Variants in RBFOX1 observed in about 807,000 individuals in gnomAD.
RBFOX1 encodes the protein RNA binding fox-1 homolog 1, also known as RNA binding protein fox-1 homolog 1.
Under a neutral mutation model 57.7 loss-of-function variants are expected in RBFOX1, and 8 were observed. The ratio of observed to expected loss-of-function variants is 0.14; its 90% CI spans 0.08 to 0.25. The LOEUF is 0.25. RBFOX1 is among the 10% of genes least tolerant of loss of function. RBFOX1 has a pLI of 1.00. For missense variants in RBFOX1, 611 were observed against 548.5 expected, an observed-to-expected ratio of 1.11 and a Z score of -1.14; for synonymous variants, 326 against 222.4, an observed-to-expected ratio of 1.47 and a Z score of -4.15.
rs115272202 is a variant in RBFOX1 at position 7,344,905 on chromosome 16, C to T, written c.28-173242C>T. Among the ~76,000 whole-genome samples, 767 of 152,302 alleles carry T rather than the reference C, an allele frequency of 5.0e-3. 8 individuals carry two copies. Among genetic ancestry groups the T allele is most frequent in the African/African-American group, 0.017 (717 of 41,588 alleles). On this transcript the variant is annotated intron_variant, in intron 4 of 15. Coordinates refer to ENST00000550418, the MANE Select transcript of RBFOX1 (RefSeq NM_018723.4). ...ACCGACTCTGAGCAGAAGGCTAATG[C>T]GATATTGTGCCGCTGTCATTTCTGA...
intron 1 of RBFOX1, among the ~76,000 whole-genome samples, chr16:6,239,804 G>A (rs912581741): frequency 6.6e-6 from 1 of 151,930 alleles, no homozygotes; most frequent in Non-Finnish European, 1.5e-5. Flanking sequence ...GCCTCCACCT[G>A]ACTGTTAAAA....
chr16:7,408,693 T>C (rs1242306761), intron 4 of RBFOX1, among the ~76,000 whole-genome samples: 1 of 152,178 alleles, frequency 6.6e-6, no homozygotes, highest in Non-Finnish European at 1.5e-5. Flanking sequence ...AACATGTACT[T>C]TTTTGTTATA....
intron 4 of RBFOX1, among the ~76,000 whole-genome samples, chr16:5,920,631 G>A (rs974581820): frequency 6.6e-6 from 1 of 152,090 alleles, no homozygotes; most frequent in African/African-American, 2.4e-5. Flanking sequence ...TTCCAGGGAC[G>A]GCCAAAAGAC....
intron 2 of RBFOX1, among the ~76,000 whole-genome samples, chr16:6,435,265 A>C (rs1467581365): frequency 2.6e-5 from 4 of 151,650 alleles, no homozygotes; most frequent in Admixed American, 6.6e-5. Flanking sequence ...CATTGCTAGC[A>C]CTCATTTTGT....
chr16:6,032,944 C>A (rs2095311504), intron 1 of RBFOX1, among the ~76,000 whole-genome samples: 1 of 148,584 alleles, frequency 6.7e-6, no homozygotes, highest in African/African-American at 2.5e-5. Context: ...AGCTTAGGAT[C>A]CAGCTTAGCT....
intron 4 of RBFOX1, among the ~76,000 whole-genome samples, chr16:7,311,319 C>G (rs566028516): frequency 6.6e-6 from 1 of 152,136 alleles, no homozygotes; most frequent in African/African-American, 2.4e-5. Flanking sequence ...GGAAAGCATT[C>G]AGAAGGTTAG....
intron 9 of RBFOX1, among the ~76,000 whole-genome samples, chr16:7,603,950 G>C (rs1201321764): frequency 6.6e-6 from 1 of 152,164 alleles, no homozygotes; most frequent in Non-Finnish European, 1.5e-5. Flanking sequence ...AGGAGACAGT[G>C]AGAATTAGGG....
intron 4 of RBFOX1, among the ~76,000 whole-genome samples, chr16:7,097,762 C>T (rs1035872580): frequency 6.6e-6 from 1 of 152,064 alleles, no homozygotes; most frequent in Non-Finnish European, 1.5e-5. Flanking sequence ...GCATATTTAT[C>T]CAGAGATTCT....
intron 3 of RBFOX1, among the ~76,000 whole-genome samples, chr16:6,992,284 C>T (rs888440670): frequency 1.3e-5 from 2 of 151,894 alleles, no homozygotes; most frequent in African/African-American, 2.4e-5. Context: ...CTGGTGCAAT[C>T]TCGGCTCATT....
intron 4 of RBFOX1, among the ~76,000 whole-genome samples, chr16:7,246,965 G>C (rs2094327221): frequency 1.3e-5 from 2 of 151,970 alleles, no homozygotes; most frequent in Admixed American, 1.3e-4. Context: ...CCCACATTAG[G>C]ATACCCTATG....
intron 1 of RBFOX1, among the ~76,000 whole-genome samples, chr16:5,418,783 T>G (rs1180920752): frequency 6.6e-6 from 1 of 152,136 alleles, no homozygotes; most frequent in African/African-American, 2.4e-5. Flanking sequence ...CTGCACGATT[T>G]ATGGAGAACC....
intron 4 of RBFOX1, among the ~76,000 whole-genome samples, chr16:7,425,465 C>G (rs1243605324): frequency 2.6e-5 from 4 of 152,152 alleles, no homozygotes; most frequent in Admixed American, 2.0e-4. Flanking sequence ...GATGGAAACC[C>G]TTCTTTGAAG....
At chr16:6,703,428 T>C (rs971522716) in intron 3 of RBFOX1, among the ~76,000 whole-genome samples, 1 of 151,738 alleles carries the variant, frequency 6.6e-6, no homozygotes, top group African/African-American at 2.4e-5. Context: ...ATAAAAAATA[T>C]TAGCCAGGTA....
intron 4 of RBFOX1, among the ~76,000 whole-genome samples, chr16:7,305,119 T>TTGTGTG (rs375536750): frequency 6.7e-6 from 1 of 148,646 alleles, no homozygotes; most frequent in African/African-American, 2.5e-5. Flanking sequence ...GTTAGGGTGT[T>TTGTGTG]TGTGTGTGTG....
At chr16:6,128,418 C>T (rs185366180) in intron 1 of RBFOX1, among the ~76,000 whole-genome samples, 3 of 152,282 alleles carry the variant, frequency 2.0e-5, no homozygotes, top group African/African-American at 7.2e-5. Flanking sequence ...CCTAAGGCTA[C>T]TCTTTTTAAG....
At chr16:7,070,586 G>A (rs946975193) in intron 4 of RBFOX1, among the ~76,000 whole-genome samples, 1 of 152,146 alleles carries the variant, frequency 6.6e-6, no homozygotes, top group South Asian at 2.1e-4. Flanking sequence ...AGATAGCTGA[G>A]TTTACGTTTA....
At chr16:7,001,388 G>C (rs1009126427) in intron 3 of RBFOX1, among the ~76,000 whole-genome samples, 2 of 131,140 alleles carry the variant, frequency 1.5e-5, no homozygotes, top group Non-Finnish European at 3.0e-5. Context: ...ATGTGTATGT[G>C]TATGTGTATT....
intron 1 of RBFOX1, among the ~76,000 whole-genome samples, chr16:6,022,640 G>A (rs948380962): frequency 2.0e-5 from 3 of 152,084 alleles, no homozygotes; most frequent in Admixed American, 6.6e-5. Context: ...CCGATATCAC[G>A]CCACTGCACT....
At chr16:5,759,325 C>A (rs903202280) in intron 3 of RBFOX1, among the ~76,000 whole-genome samples, 1 of 152,178 alleles carries the variant, frequency 6.6e-6, no homozygotes, top group South Asian at 2.1e-4. Flanking sequence ...TGGTGAACTT[C>A]TTAGAGAGAT....
Sources: allele counts gnomAD v4.1 joint callset (sites outside exome capture counted in the v4.1 genomes callset), GRCh38; gene constraint gnomAD v4.1.1; transcripts MANE v1.5; gene names NCBI Gene and HGNC (gene_info 2026-07-23, HGNC 2026-07-21).